Variants in GRM1 observed in about 807,000 individuals in gnomAD.
GRM1 encodes the protein metabotropic glutamate receptor 1.
Under a neutral mutation model 90.9 loss-of-function variants are expected in GRM1, and 33 were observed. The observed-to-expected ratio is 0.36, with a 90% CI of 0.28 to 0.49. GRM1 has a LOEUF of 0.49. GRM1 is among the 20% of genes least tolerant of loss of function. The pLI is 0.99. For synonymous variants in GRM1, 700 were observed against 613.2 expected (o/e 1.14, Z -2.09); for missense variants, 1,190 against 1,534.3 (o/e 0.78, Z 3.75).
intron 7 of GRM1, among the ~76,000 whole-genome samples, chr6:146,418,184 T>A (rs889284717): frequency 6.6e-6 from 1 of 152,112 alleles, no homozygotes; most frequent in African/African-American, 2.4e-5. Context: ...CGTGTCTCCT[T>A]AGTAGCTGTT....
At chr6:146,185,595 A>G (rs1302707173) in intron 2 of GRM1, among the ~76,000 whole-genome samples, 1 of 152,184 alleles carries the variant, frequency 6.6e-6, no homozygotes, top group Admixed American at 6.5e-5. Context: ...CTGACAGCTT[A>G]AGGATTAATT....
chr6:146,095,639 G>A (rs1026576605), intron 1 of GRM1, among the ~76,000 whole-genome samples: 2 of 152,084 alleles, frequency 1.3e-5, no homozygotes, highest in African/African-American at 2.4e-5. Context: ...TAGTATTACA[G>A]TGTATTCTCT....
intron 1 of GRM1, among the ~76,000 whole-genome samples, chr6:146,071,196 G>A (rs549043543): frequency 7.9e-5 from 12 of 152,248 alleles, no homozygotes; most frequent in African/African-American, 2.9e-4. Flanking sequence ...TATAGTCTTT[G>A]TCTCTTCTCT....
chr6:146,406,126 A>G (rs906355736), intron 7 of GRM1, among the ~76,000 whole-genome samples: 1 of 152,224 alleles, frequency 6.6e-6, no homozygotes, highest in Admixed American at 6.5e-5. Flanking sequence ...GTGACAAAGA[A>G]GGAAAAGTTG....
At chr6:146,414,289 C>G (rs942337344) in intron 7 of GRM1, among the ~76,000 whole-genome samples, 7 of 151,776 alleles carry the variant, frequency 4.6e-5, no homozygotes, top group Admixed American at 4.6e-4. Context: ...TCTTGAGAGT[C>G]TTTTTATGTG....
intron 2 of GRM1, among the ~76,000 whole-genome samples, chr6:146,299,413 G>A (rs1250701574): frequency 2.4e-5 from 3 of 124,182 alleles, no homozygotes; most frequent in African/African-American, 1.5e-4. Context: ...ACTAGTTCTG[G>A]GAGGAAGTTA....
chr6:146,105,590 A>G (rs1408937221), intron 1 of GRM1, among the ~76,000 whole-genome samples: 2 of 152,192 alleles, frequency 1.3e-5, no homozygotes, highest in Non-Finnish European at 2.9e-5. Flanking sequence ...AAGATAAACT[A>G]TCTAAAAGGA....
intron 2 of GRM1, among the ~76,000 whole-genome samples, chr6:146,184,926 A>T (rs1411565745): frequency 6.6e-6 from 1 of 152,338 alleles, no homozygotes; most frequent in South Asian, 2.1e-4. Flanking sequence ...ACTTTATTTT[A>T]TGGAAAGGAA....
chr6:146,406,431 G>T (rs988312638), intron 7 of GRM1, among the ~76,000 whole-genome samples: 3 of 152,166 alleles, frequency 2.0e-5, no homozygotes, highest in Non-Finnish European at 2.9e-5. Context: ...AGTAAGATTT[G>T]AGAAGGGACA....
At chr6:146,062,463 G>A (rs1775706168) in intron 1 of GRM1, among the ~76,000 whole-genome samples, 1 of 143,456 alleles carries the variant, frequency 7.0e-6, no homozygotes, top group Non-Finnish European at 1.5e-5. Context: ...TGCACAATCT[G>A]CACATGTGTC....
rs544829701 is a variant in GRM1, at chr6:146,434,412, G to A, written c.3201G>A (p.Pro1067=). The A allele has an allele frequency of 2.5e-6, 4 of 1,613,226 alleles. No individual in the cohort carries two copies. The highest frequency in any genetic ancestry group is 2.7e-5 in the African/African-American group (2 of 75,044). Residue 1067 remains proline, a synonymous_variant, in exon 8 of 8, where the codon CCG becomes CCA. Coordinates refer to ENST00000282753, the MANE Select transcript of GRM1 (RefSeq NM_001278064.2). ...GPGNGLRSLY[P]PPPPPQHLQM... ...GGAACGGGCTGCGGTCCCTGTACCC[G>A]CCCCCGCCACCTCCGCAGCACCTGC...
chr6:146,230,656 C>T (rs1236529175), intron 2 of GRM1, among the ~76,000 whole-genome samples: 2 of 152,122 alleles, frequency 1.3e-5, no homozygotes, highest in African/African-American at 4.8e-5. Context: ...AGCAGTCACA[C>T]TCTTTGGTAT....
chr6:146,418,003 A>T (rs1431565570), intron 7 of GRM1, among the ~76,000 whole-genome samples: 1 of 152,144 alleles, frequency 6.6e-6, no homozygotes, highest in Non-Finnish European at 1.5e-5. Context: ...ATTAGAAAAG[A>T]TGCCTATATG....
intron 1 of GRM1, among the ~76,000 whole-genome samples, chr6:146,068,777 T>C (rs895880811): frequency 2.6e-5 from 4 of 152,302 alleles, no homozygotes; most frequent in Admixed American, 1.3e-4. Context: ...AGTAGCTAAA[T>C]GCTACTTTGT....
At chr6:146,411,752 A>C (rs1231955693) in intron 7 of GRM1, among the ~76,000 whole-genome samples, 1 of 152,224 alleles carries the variant, frequency 6.6e-6, no homozygotes, top group Non-Finnish European at 1.5e-5. Context: ...AAAGTTGCTC[A>C]AAAAATTCAA....
rs150899758 is a variant in GRM1, at chr6:146,298,963, C to T, written c.951-5648C>T. Among the ~76,000 whole-genome samples, 323 of 152,282 alleles carry T rather than the reference C, an allele frequency of 2.1e-3. 2 individuals are homozygous for T. The highest frequency in any genetic ancestry group is 7.1e-3 in the African/African-American group (295 of 41,570). ...CTCAAATATCCTTTCTTCTGATTAA[C>T]GTAAACCTGCTTAGTCTAGAGTTTC... On this transcript the variant is annotated intron_variant, in intron 2 of 7. Transcript: ENST00000282753.
At chr6:146,061,085 T>A (rs1057241901) in intron 1 of GRM1, among the ~76,000 whole-genome samples, 1 of 152,114 alleles carries the variant, frequency 6.6e-6, no homozygotes, top group African/African-American at 2.4e-5. Flanking sequence ...GATGGGGGAA[T>A]GCCGAGGCAG....
chr6:146,271,949 C>A (rs1488402033), intron 2 of GRM1, among the ~76,000 whole-genome samples: 4 of 152,186 alleles, frequency 2.6e-5, no homozygotes, highest in Non-Finnish European at 4.4e-5. Context: ...TGTATTCCTG[C>A]CTGTGGCCAC....
At chr6:146,133,183 G>A (rs906898339) in intron 1 of GRM1, among the ~76,000 whole-genome samples, 4 of 152,166 alleles carry the variant, frequency 2.6e-5, no homozygotes, top group African/African-American at 9.7e-5. Flanking sequence ...AAAGCTTTTG[G>A]AATTGGAAGG....
Sources: allele counts gnomAD v4.1 joint callset (sites outside exome capture counted in the v4.1 genomes callset), GRCh38; gene constraint gnomAD v4.1.1; transcripts MANE v1.5; gene names NCBI Gene and HGNC (gene_info 2026-07-23, HGNC 2026-07-21).